Variants in MYH10 observed in about 807,000 individuals in gnomAD.
MYH10 encodes myosin heavy chain 10.
In MYH10, 55 loss-of-function variants were observed where a neutral mutation model predicts 257.8. The observed-to-expected ratio is 0.21, with a 90% CI of 0.17 to 0.27. The LOEUF is 0.27. MYH10 is among the 10% of genes least tolerant of loss of function. The pLI is 1.00. For synonymous variants in MYH10, 854 were observed against 921.7 expected (o/e 0.93, Z 1.33); for missense variants, 1,631 against 2,500.6 (o/e 0.65, Z 7.42).
intron 2 of MYH10, among the ~76,000 whole-genome samples, chr17:8,611,948 G>A (rs1397090527): frequency 1.3e-5 from 2 of 152,164 alleles, no homozygotes; most frequent in Non-Finnish European, 2.9e-5. Flanking sequence ...CCTTATCTGT[G>A]GTTTCACTTT....
At position 8,509,817 on chromosome 17, in the gene MYH10, T is replaced by G; in HGVS notation, c.3085A>C (p.Ile1029Leu). The G allele has an allele frequency of 6.2e-7, 1 of 1,607,224 alleles. No individual in the cohort carries two copies. The change falls in exon 25 of 43, where the codon ATC becomes CTC. Residue 1029 changes from isoleucine (I) to leucine (L), a missense_variant. This residue lies in a region of MYH10 where 169 missense variants were observed against 249.8 expected (regional missense o/e 0.68). Coordinates refer to ENST00000360416, the MANE Select transcript of MYH10 (RefSeq NM_001256012.3). ...LLLEDQNSKF[I>L]KEKKLMEDRI... is the part of the protein sequence containing the mutation. ...TTGTGGGAACACTCTCTTACTTTGA[T>G]GAACTTGGAATTTTGGTCCTCGAGA...
At chr17:8,578,873 A>G (rs1459889311) in intron 4 of MYH10, among the ~76,000 whole-genome samples, 2 of 152,200 alleles carry the variant, frequency 1.3e-5, no homozygotes, top group African/African-American at 4.8e-5. Context: ...AAAACACCCC[A>G]AACTCAAAAA....
At chr17:8,486,866 A>G (rs1029143226) in intron 36 of MYH10, among the ~76,000 whole-genome samples, 5 of 152,218 alleles carry the variant, frequency 3.3e-5, no homozygotes, top group African/African-American at 1.2e-4. Context: ...ATCTTTGTAC[A>G]TAAAAATTTC....
rs757128151 is a variant in MYH10 at position 8,493,814 on chromosome 17, C to G, written c.4128G>C (p.Lys1376Asn). 3.1e-6 allele frequency: 5 copies of G among 1,614,016 alleles called. No homozygotes were observed. The South Asian group carries it at 3.3e-5, about 11-fold the overall frequency. ...SSRIRQLEEEKNSLQEQQEEE... is the reference protein window; with the variant it reads ...SSRIRQLEEENNSLQEQQEEE... ...CCTCCTGCTGCTCCTGAAGACTGTT[C>G]TTCTCCTCTTCCAGCTGCCGGATCC... The change falls in exon 32 of 43, where the codon AAG (lysine) becomes AAC (asparagine). Residue 1376 changes from lysine (K) to asparagine (N), a missense_variant. Coordinates refer to ENST00000360416, the MANE Select transcript of MYH10 (RefSeq NM_001256012.3).
intron 3 of MYH10, among the ~76,000 whole-genome samples, chr17:8,598,929 ACTC>A (rs1386767608): frequency 2.0e-5 from 3 of 151,092 alleles, no homozygotes; most frequent in African/African-American, 7.3e-5. Flanking sequence ...CTGGTCTTGA[ACTC>A]CTGAGCTCAA....
Position 8,571,198 on chromosome 17 carries a change from G to A in MYH10, c.664-1386C>T, listed in dbSNP as rs1298277660. Among the ~76,000 whole-genome samples, 15 of 128,274 alleles carry A rather than the reference G, an allele frequency of 1.2e-4. No individual in the cohort carries two copies. The East Asian group carries it at 3.4e-3, about 29-fold the overall frequency. The allele number at this position is 128,274 out of a possible 152,430, so 84.2% of individuals were successfully genotyped here. On this transcript the variant is annotated intron_variant, in intron 6 of 42. Transcript: ENST00000360416. ...GTTTTTGTTTTTTTTTTTTTGAGAC[G>A]GAGACTCACTCTGTCGCCCAGGCTG...
Position 8,481,416 on chromosome 17 carries a change from C to T in MYH10, c.5176-6G>A. The T allele has an allele frequency of 6.2e-7, 1 of 1,613,648 alleles. No individual in the cohort carries two copies. Among genetic ancestry groups the T allele is most frequent in the East Asian group, 2.2e-5 (1 of 44,856 alleles). ...CGCTCAGATGAGGCAAGTTCCTAAG[C>T]AGTGGAGACTGCGTTAAGCTCTGGC... On this transcript the variant is annotated splice_region_variant and splice_polypyrimidine_tract_variant and intron_variant, in intron 37 of 42. Coordinates refer to ENST00000360416, the MANE Select transcript of MYH10 (RefSeq NM_001256012.3).
At chr17:8,585,286 G>GTATATACATATATATATATATATATA in intron 4 of MYH10, among the ~76,000 whole-genome samples, 2 of 84,632 alleles carry the variant, frequency 2.4e-5, no homozygotes, top group Non-Finnish European at 2.3e-5. Context: ...ATGTGTGTGT[G>GTATATACATATATATATATATATATA]TGTATATATA....
intron 2 of MYH10, among the ~76,000 whole-genome samples, chr17:8,619,088 G>T (rs992590148): frequency 2.0e-5 from 3 of 152,154 alleles, no homozygotes; most frequent in Non-Finnish European, 4.4e-5. Flanking sequence ...CCACATGCTC[G>T]TCCTCAAGGC....
chr17:8,540,539 ACT>A (rs957174349), intron 14 of MYH10, among the ~76,000 whole-genome samples: 1 of 152,148 alleles, frequency 6.6e-6, no homozygotes, highest in Admixed American at 6.6e-5. Context: ...ATTTAAAAAC[ACT>A]CTAAAAACAT....
chr17:8,626,984 A>G (rs1393794147), intron 1 of MYH10, among the ~76,000 whole-genome samples: 1 of 152,202 alleles, frequency 6.6e-6, no homozygotes, highest in African/African-American at 2.4e-5. Flanking sequence ...TCTTAAAATT[A>G]TTTTATCAAA....
chr17:8,491,701 G>A (rs544632205), intron 34 of MYH10, among the ~76,000 whole-genome samples: 2 of 152,270 alleles, frequency 1.3e-5, no homozygotes, highest in East Asian at 3.9e-4. Flanking sequence ...TTGATACCAG[G>A]CCTGGGTTTG....
chr17:8,496,780 T>C (rs1916705770), intron 30 of MYH10, among the ~76,000 whole-genome samples: 1 of 152,208 alleles, frequency 6.6e-6, no homozygotes, highest in African/African-American at 2.4e-5. Flanking sequence ...CTTTGGCTGG[T>C]GTGTGGGAAC....
At position 8,538,903 on chromosome 17, in the gene MYH10, G is replaced by A. The variant is rs371194017; in HGVS notation, c.1606-2972C>T. ...ACCTGGTTCCTAATGCAGCCGTGTT[G>A]AGAGATAAGACCTTTGGGAGGTAAC... On this transcript the variant is annotated intron_variant, in intron 14 of 42. Coordinates refer to ENST00000360416, the MANE Select transcript of MYH10 (RefSeq NM_001256012.3). Among the ~76,000 whole-genome samples the A allele has an allele frequency of 3.0e-3, 453 of 152,284 alleles. 3 individuals are homozygous for A. The highest frequency in any genetic ancestry group is 0.01 in the African/African-American group (416 of 41,550).
chr17:8,535,864 G>A lies in MYH10; in HGVS notation c.1673C>T (p.Thr558Ile), dbSNP rs1362973320. ...CTCTTGAACCAGTTTTTCAACAAAG[G>A]TTTTATCTGTGGCTTTAGGGAACCA... Reference protein sequence around the residue: ...ECWFPKATDKTFVEKLVQEQG... With the variant: ...ECWFPKATDKIFVEKLVQEQG... Residue 558 changes from threonine to isoleucine, a missense_variant, in exon 15 of 43, where the codon ACC (threonine) becomes ATC (isoleucine). Coordinates refer to ENST00000360416, the MANE Select transcript of MYH10 (RefSeq NM_001256012.3). This position sits in a 1 kb window ranked among gnomAD's most constrained non-coding sequence, Gnocchi z 4.3. The A allele has an allele frequency of 6.2e-7, 1 of 1,613,954 alleles. No homozygotes were observed. The highest frequency in any genetic ancestry group is 8.5e-7 in the Non-Finnish European group (1 of 1,180,010).
intron 17 of MYH10, 22 bp downstream of exon 17, chr17:8,530,601 C>T (rs915302910): frequency 5.7e-6 from 8 of 1,408,838 alleles, no homozygotes; most frequent in Middle Eastern, 1.9e-4. Context: ...TTTTGGAAGA[C>T]CTACAGGCTT....
rs539467224 is a variant in MYH10 at position 8,567,147 on chromosome 17, A to G, written c.756+2573T>C. ...ATAGCCACTAAACACAGGGCATTTC[A>G]GTAGGAAAATTTCAGATTTAGTTGT... On this transcript the variant is annotated intron_variant, in intron 7 of 42. Coordinates refer to ENST00000360416, the MANE Select transcript of MYH10 (RefSeq NM_001256012.3). Among the ~76,000 whole-genome samples, 4 of 152,316 alleles carry G rather than the reference A, an allele frequency of 2.6e-5. No homozygotes were observed. The East Asian group carries it at 7.7e-4, about 29-fold the overall frequency.
At chr17:8,491,585 C>T (rs892276571) in intron 34 of MYH10, among the ~76,000 whole-genome samples, 3 of 152,258 alleles carry the variant, frequency 2.0e-5, no homozygotes, top group South Asian at 2.1e-4. Flanking sequence ...TGAAATTGGG[C>T]AAGTATAATG....
chr17:8,616,651 T>C (rs1444851077), intron 2 of MYH10, among the ~76,000 whole-genome samples: 2 of 151,860 alleles, frequency 1.3e-5, no homozygotes, highest in African/African-American at 2.4e-5. Flanking sequence ...ATAAATGAGT[T>C]TACCCAGGAA....
Sources: gnomAD v4.1 joint callset for allele counts (sites outside exome capture counted in the v4.1 genomes callset) on GRCh38, gnomAD v4.1.1 for gene constraint, gnomAD v4.1.1 regional missense constraint, Gnocchi (gnomAD v3.1) non-coding constraint, MANE v1.5 for transcripts, NCBI Gene and HGNC (gene_info 2026-07-23, HGNC 2026-07-21) for gene names.